CTBP2: variants seen among roughly 807,000 people sequenced by gnomAD.
CTBP2 encodes C-terminal binding protein 2, also known as C-terminal-binding protein 2.
CTBP2 carries 30 observed loss-of-function variants against 80.3 expected under a neutral mutation model. The ratio of observed to expected loss-of-function variants is 0.37; its 90% CI spans 0.28 to 0.51. The LOEUF (loss-of-function observed/expected upper bound fraction) is 0.51. CTBP2 is among the 20% of genes least tolerant of loss of function. CTBP2 has a pLI of 0.93. For synonymous variants in CTBP2, 594 were observed against 587.4 expected (o/e 1.01, Z -0.16); for missense variants, 1,212 against 1,375.3 (o/e 0.88, Z 1.88).
intron 1 of CTBP2, among the ~76,000 whole-genome samples, chr10:125,025,075 C>A (rs1315091548): frequency 7.2e-5 from 11 of 152,244 alleles, no homozygotes; most frequent in Middle Eastern, 3.4e-3. Flanking sequence ...TCCCCGCCTA[C>A]AGCTGCTTCA....
chr10:125,002,868 G>A (rs977216660), intron 3 of CTBP2, 92 bp downstream of exon 5: 18 of 1,502,310 alleles, frequency 1.2e-5, no homozygotes, highest in Non-Finnish European at 1.6e-5. Flanking sequence ...GCTGCTCCGT[G>A]GTCCCAGTTC....
chr10:125,046,945 AAGAAC>A (rs1379665229), intron 2 of CTBP2, among the ~76,000 whole-genome samples: 4 of 152,246 alleles, frequency 2.6e-5, no homozygotes, highest in Non-Finnish European at 1.5e-5. Flanking sequence ...AGCTATAATC[AAGAAC>A]AGAAGACTTG....
At chr10:125,040,988 G>C (rs527890470) in intron 2 of CTBP2, among the ~76,000 whole-genome samples, 6 of 152,332 alleles carry the variant, frequency 3.9e-5, no homozygotes, top group Admixed American at 2.6e-4. Context: ...TGACCATATC[G>C]GATCAGTCAG....
At chr10:125,110,413 T>G (rs913319449) in intron 2 of CTBP2, among the ~76,000 whole-genome samples, 1 of 152,264 alleles carries the variant, frequency 6.6e-6, no homozygotes, top group Non-Finnish European at 1.5e-5. Flanking sequence ...CATCCATCAA[T>G]GAGTGTGGTA....
At chr10:125,136,472 C>T (rs139748591) in intron 1 of CTBP2, among the ~76,000 whole-genome samples, 3 of 152,354 alleles carry the variant, frequency 2.0e-5, no homozygotes, top group Non-Finnish European at 2.9e-5. Flanking sequence ...ACTGTTCCCC[C>T]ACCCTAACCC....
chr10:125,076,094 A>ACTCC (rs1366196285), intron 2 of CTBP2, among the ~76,000 whole-genome samples: 16 of 150,936 alleles, frequency 1.1e-4, no homozygotes, highest in African/African-American at 2.4e-4. Flanking sequence ...GAAATGAACT[A>ACTCC]CTCCCTCCCT....
At chr10:125,013,871 G>A (rs1397998643) in intron 1 of CTBP2, among the ~76,000 whole-genome samples, 2 of 152,202 alleles carry the variant, frequency 1.3e-5, no homozygotes, top group African/African-American at 4.8e-5. Context: ...ATCAGGCCTG[G>A]CCCTAGGAAA....
rs549945542 is a variant in CTBP2, at chr10:125,043,146, G to C, written c.-101-3991C>G. Among the ~76,000 whole-genome samples the C allele has an allele frequency of 2.0e-3, 303 of 152,338 alleles. 3 individuals are homozygous for C. Among genetic ancestry groups the C allele is most frequent in the Middle Eastern group, 0.014 (4 of 294 alleles). On this transcript the variant is annotated intron_variant, in intron 2 of 10. Transcript: ENST00000337195. ...ATTTGTTCCGTGGAGGTATCACAGA[G>C]AATGTGACATTTTTGAAGACGTGAG...
At chr10:125,086,613 T>TAAAA (rs66522424) in intron 2 of CTBP2, among the ~76,000 whole-genome samples, 12 of 116,454 alleles carry the variant, frequency 1.0e-4, no homozygotes, top group South Asian at 3.3e-4. Context: ...AAATTTTATT[T>TAAAA]AAAAAAAAAA....
intron 1 of CTBP2, chr10:125,026,027 C>T (rs924988258): frequency 2.5e-5 from 38 of 1,522,032 alleles, no homozygotes; most frequent in Non-Finnish European, 3.4e-5. Flanking sequence ...TACAACCCCG[C>T]ACCCCCCTGC....
chr10:125,089,367 T>C (rs1466238314), intron 2 of CTBP2, among the ~76,000 whole-genome samples: 1 of 152,230 alleles, frequency 6.6e-6, no homozygotes, highest in African/African-American at 2.4e-5. Flanking sequence ...AGTGAAATTA[T>C]TTTGTGAAAG....
At chr10:125,105,680 T>A (rs1152689) in intron 2 of CTBP2, among the ~76,000 whole-genome samples, 7,696 of 151,704 alleles carry the variant, frequency 0.051, 207 homozygotes, top group Middle Eastern at 0.095. Flanking sequence ...GACATTTTTT[T>A]AAAAAAAAAC....
At chr10:125,115,963 T>C (rs908975662) in intron 1 of CTBP2, among the ~76,000 whole-genome samples, 1 of 152,102 alleles carries the variant, frequency 6.6e-6, no homozygotes, top group African/African-American at 2.4e-5. Flanking sequence ...ACATCCAGGC[T>C]TCCTCAGAGA....
At chr10:125,148,750 C>T (rs1859270877) in intron 1 of CTBP2, among the ~76,000 whole-genome samples, 1 of 152,232 alleles carries the variant, frequency 6.6e-6, no homozygotes, top group African/African-American at 2.4e-5. Context: ...ATATTACCCA[C>T]TATTCAAGGC....
chr10:125,006,672 C>G (rs776027714), intron 1 of CTBP2, among the ~76,000 whole-genome samples: 5 of 152,204 alleles, frequency 3.3e-5, no homozygotes, highest in Non-Finnish European at 7.3e-5. Flanking sequence ...CTCTTTCAGG[C>G]TTCTGACCAT....
chr10:125,043,363 C>T (rs929154884), intron 2 of CTBP2, among the ~76,000 whole-genome samples: 5 of 152,202 alleles, frequency 3.3e-5, no homozygotes, highest in Non-Finnish European at 7.3e-5. Context: ...CTACCAAGCG[C>T]CCTTAAGGTT....
At chr10:125,162,195 A>C (rs1183013416), upstream of CTBP2, among the ~76,000 whole-genome samples, 4 of 152,246 alleles carry the variant, frequency 2.6e-5, no homozygotes, top group African/African-American at 9.6e-5. Context: ...GATGTCGAGC[A>C]GGAAAGGAGT....
At chr10:125,112,275 G>A (rs976422619) in intron 1 of CTBP2, among the ~76,000 whole-genome samples, 5 of 151,650 alleles carry the variant, frequency 3.3e-5, no homozygotes, top group African/African-American at 1.2e-4. Context: ...ACCACACCTG[G>A]CTAATTTTTG....
chr10:125,108,254 A>C (rs1466572506), intron 2 of CTBP2, among the ~76,000 whole-genome samples: 1 of 152,238 alleles, frequency 6.6e-6, no homozygotes, highest in Non-Finnish European at 1.5e-5. Context: ...TTACTAAAAA[A>C]GACGGCCATA....
Sources: gnomAD v4.1 joint callset for allele counts (sites outside exome capture counted in the v4.1 genomes callset) on GRCh38, gnomAD v4.1.1 for gene constraint, MANE v1.5 for transcripts, NCBI Gene and HGNC (gene_info 2026-07-23, HGNC 2026-07-21) for gene names.